Variants in PRCD observed in about 807,000 individuals in gnomAD.
PRCD encodes photoreceptor disk component PRCD.
A neutral mutation model predicts 10.1 loss-of-function variants in PRCD; 12 were observed. The observed-to-expected ratio is 1.18, with a 90% CI of 0.76 to 1.92. PRCD has a LOEUF of 1.92. Ranked by LOEUF, PRCD falls within the 40% of genes most tolerant of loss-of-function variation. The pLI, the probability that PRCD is intolerant of heterozygous loss-of-function variation, is 0.00. For missense variants in PRCD, 61 were observed against 72.2 expected, an observed-to-expected ratio of 0.84 and a Z score of 0.56; for synonymous variants, 31 against 26.2, an observed-to-expected ratio of 1.18 and a Z score of -0.56.
At position 76,544,652 on chromosome 17, in the gene PRCD, G is replaced by C. The variant is rs1229301103; in HGVS notation, c.*1002G>C. 4.4e-6 allele frequency: 2 copies of C among 456,670 alleles called. No individual in the cohort carries two copies. The highest frequency in any genetic ancestry group is 8.8e-6 in the Non-Finnish European group (2 of 226,986). 28.3% of individuals were successfully genotyped at this position (456,670 alleles called of 1,614,324 possible). ...TCCTGTCAGCCTGTCTCTCTCTTTG[G>C]AGGCATCGGCCTTCCTGGTGACAGG... On this transcript the variant is annotated 3_prime_UTR_variant, in exon 5 of 5. Transcript: ENST00000592014.
chr17:76,535,685 TAGAG>T (rs1255593028), upstream of PRCD, among the ~76,000 whole-genome samples: 2 of 152,256 alleles, frequency 1.3e-5, no homozygotes, highest in African/African-American at 2.4e-5. Flanking sequence ...AAGAGGGGTG[TAGAG>T]AGAGAAAGAA....
chr17:76,552,875 A>ATAT (rs1290786641), intron 1 of PRCD: 2 of 127,792 alleles, frequency 1.6e-5, no homozygotes, highest in African/African-American at 6.6e-5. Flanking sequence ...AAAAAAAAAA[A>ATAT]AAAAAAATAT....
At chr17:76,529,311 G>A (rs1011951531) in intron 1 of PRCD, 2 of 985,418 alleles carry the variant, frequency 2.0e-6, no homozygotes, top group Admixed American at 6.1e-5. Context: ...TGACAGCTGG[G>A]AGTAACCCCC....
intron 1 of PRCD, chr17:76,532,117 A>G (rs767493336): frequency 1.1e-4 from 18 of 166,138 alleles, no homozygotes; most frequent in Non-Finnish European, 2.0e-4. Flanking sequence ...GCTTTCATGA[A>G]GTCATGCTTA....
Position 76,531,003 on chromosome 17 carries a change from A to G in PRCD, n.45+3170A>G, listed in dbSNP as rs2074832084. The stretch of plus-strand genomic sequence containing the variant: ...CGTGGTGGCGTTGGGGACCTGCTGC[A>G]CCCAGCCCACTTCCTTGTAGGCAGC... On this transcript the variant is annotated intron_variant and non_coding_transcript_variant, in intron 1 of 4. Coordinates refer to the PRCD transcript ENST00000397633. The surrounding 1 kb of genome is among the most constrained non-coding windows in gnomAD (Gnocchi z 7.4). The G allele has an allele frequency of 6.2e-7, 1 of 1,611,480 alleles. No homozygotes were observed. Among genetic ancestry groups the G allele is most frequent in the African/African-American group, 1.3e-5 (1 of 74,778 alleles).
Position 76,544,043 on chromosome 17 carries a change from T to C in PRCD, c.*393T>C, listed in dbSNP as rs1484377477. 1.5e-5 allele frequency: 7 copies of C among 454,764 alleles called. No homozygotes were observed. The highest frequency in any genetic ancestry group is 2.6e-5 in the Non-Finnish European group (6 of 226,968). 28.2% of individuals were successfully genotyped at this position (454,764 alleles called of 1,614,324 possible). A position where few individuals can be genotyped will look rare whatever the true frequency, so the allele number is the denominator to read the frequency against. On this transcript the variant is annotated 3_prime_UTR_variant, in exon 5 of 5. Coordinates refer to ENST00000592014, the MANE Select transcript of PRCD (RefSeq NM_001077620.3). ...TGCTCAGTCCCGGCGGCTGCCTCCT[T>C]TGCCCCCAGCTGCTCTGCCATTTCT... is the stretch of plus-strand genomic sequence containing the variant.
upstream of PRCD, chr17:76,537,512 C>A: frequency 1.3e-6 from 2 of 1,574,638 alleles, no homozygotes; most frequent in Non-Finnish European, 1.7e-6. Flanking sequence ...TCCCTGCGCT[C>A]GATCTCCATC....
At chr17:76,553,051 G>T (rs749068766) in intron 1 of PRCD, 1 of 151,548 alleles carries the variant, frequency 6.6e-6, no homozygotes, top group Non-Finnish European at 1.5e-5. Context: ...CGGTTTCTGC[G>T]GGTCAGCAGC....
At chr17:76,536,997 C>T (rs1440579644), upstream of PRCD, among the ~76,000 whole-genome samples, 1 of 152,338 alleles carries the variant, frequency 6.6e-6, no homozygotes, top group Non-Finnish European at 1.5e-5. Flanking sequence ...CTCTTTGTCC[C>T]GCTTCTTGGC....
At chr17:76,551,581 T>C (rs1381800341) in intron 1 of PRCD, 1 of 151,042 alleles carries the variant, frequency 6.6e-6, no homozygotes, top group Non-Finnish European at 1.5e-5. Flanking sequence ...TTTAAATTTT[T>C]ATATTTTTAC....
intron 1 of PRCD, chr17:76,552,899 AAAATATATATATAT>A (rs1965342175): frequency 4.6e-5 from 5 of 109,006 alleles, no homozygotes; most frequent in African/African-American, 2.0e-4. Context: ...TATATATATA[AAAATATATATATAT>A]AAAACATGTA....
chr17:76,543,772 A>G (rs967614797), intron 4 of PRCD, 31 bp from the exon 5 acceptor site: 2 of 470,410 alleles, frequency 4.3e-6, no homozygotes, highest in Non-Finnish European at 8.8e-6. Flanking sequence ...CCACAGTGGC[A>G]CTCGCTTTTG....
upstream of PRCD, among the ~76,000 whole-genome samples, chr17:76,536,009 C>T (rs2074909401): frequency 6.6e-6 from 1 of 152,178 alleles, no homozygotes; most frequent in Non-Finnish European, 1.5e-5. Context: ...CGCAGTCTGG[C>T]ACATCTGCGG....
upstream of PRCD, among the ~76,000 whole-genome samples, chr17:76,538,784 G>T (rs191625497): frequency 3.6e-3 from 555 of 152,372 alleles, 14 homozygotes; most frequent in Admixed American, 0.035. Flanking sequence ...CAGTCCTGGG[G>T]ACAGCCTGAG....
intron 1 of PRCD, chr17:76,529,850 T>C: frequency 1.0e-6 from 1 of 985,248 alleles, no homozygotes; most frequent in Non-Finnish European, 1.2e-6. Context: ...CATCTGGAGT[T>C]GGCTTGGCTC....
rs1317137826 is a variant in PRCD, at chr17:76,543,131, T to G, written c.*152+10T>G. On this transcript the variant is annotated intron_variant, in intron 4 of 4. Coordinates refer to ENST00000592014, the MANE Select transcript of PRCD (RefSeq NM_001077620.3). ...AGCAGCACTAGAGAAGGTAGACGCC[T>G]CCCTCTCAGCCCGGGACCTGCCAGT... is the stretch of plus-strand genomic sequence containing the variant. 2.1e-6 allele frequency: 1 copy of G among 470,256 alleles called. No individual in the cohort carries two copies. The highest frequency in any genetic ancestry group is 2.4e-5 in the Admixed American group (1 of 42,532). 29.1% of individuals were successfully genotyped at this position (470,256 alleles called of 1,614,324 possible).
upstream of PRCD, among the ~76,000 whole-genome samples, chr17:76,539,650 A>G (rs188367765): frequency 6.6e-6 from 1 of 152,238 alleles, no homozygotes; most frequent in African/African-American, 2.4e-5. Context: ...CCATGCTTTC[A>G]TGTCAGTAGC....
At chr17:76,527,897 GGAATGT>G in intron 1 of PRCD, 1 of 434,098 alleles carries the variant, frequency 2.3e-6, no homozygotes, top group South Asian at 1.6e-5. Context: ...GTGGAATTCA[GGAATGT>G]GGGGAGCTGG....
At chr17:76,535,573 GA>G (rs1445590395), upstream of PRCD, among the ~76,000 whole-genome samples, 2 of 152,184 alleles carry the variant, frequency 1.3e-5, no homozygotes, top group Non-Finnish European at 2.9e-5. Flanking sequence ...CAAAGAAGTG[GA>G]GTCAGAGTGG....
Sources: allele counts gnomAD v4.1 joint callset (sites outside exome capture counted in the v4.1 genomes callset), GRCh38; gene constraint gnomAD v4.1.1; non-coding constraint Gnocchi (gnomAD v3.1); transcripts MANE v1.5; gene names NCBI Gene and HGNC (gene_info 2026-07-23, HGNC 2026-07-21).